Variants in PDE3B observed in about 807,000 individuals in gnomAD.
The protein encoded by PDE3B is phosphodiesterase 3B.
Under a neutral mutation model 116.8 loss-of-function variants are expected in PDE3B, and 66 were observed. The observed-to-expected ratio is 0.56, with a 90% CI of 0.46 to 0.69. The LOEUF (loss-of-function observed/expected upper bound fraction) is 0.69, where lower values mean the gene tolerates loss of function less well. Among genes scored for constraint, PDE3B ranks in the 30% least tolerant of loss-of-function variants. The pLI, the probability that PDE3B is intolerant of heterozygous loss-of-function variation, is 0.00. For synonymous variants in PDE3B, 595 were observed against 533.6 expected (o/e 1.12, Z -1.59); for missense variants, 1,384 against 1,368.1 (o/e 1.01, Z -0.18).
chr11:14,783,780 A>G (rs1327244164), intron 2 of PDE3B, among the ~76,000 whole-genome samples: 1 of 152,192 alleles, frequency 6.6e-6, no homozygotes, highest in Non-Finnish European at 1.5e-5. Context: ...AAAAGAATGA[A>G]GGGGAAAACA....
chr11:14,704,955 C>A (rs1855485171), intron 1 of PDE3B, among the ~76,000 whole-genome samples: 1 of 151,474 alleles, frequency 6.6e-6, no homozygotes, highest in Non-Finnish European at 1.5e-5. Context: ...ATTTATAATA[C>A]ATATATTTGA....
chr11:14,880,890 T>C, the PDE3B span: 836 of 907,960 alleles, frequency 9.2e-4, 3 homozygotes, highest in African/African-American at 0.011. Context: ...CCTATATAAC[T>C]ACATGGTTGG....
At chr11:14,819,324 TA>T in intron 7 of PDE3B, 115 bp downstream of exon 7, 2 of 630,914 alleles carry the variant, frequency 3.2e-6, no homozygotes, top group Non-Finnish European at 5.7e-6. Flanking sequence ...AAATGAAGAT[TA>T]TTATTTTTTA....
chr11:14,803,679 C>T (rs1405679453), intron 4 of PDE3B, among the ~76,000 whole-genome samples: 1 of 152,086 alleles, frequency 6.6e-6, no homozygotes, highest in East Asian at 1.9e-4. Flanking sequence ...AAAACCATAC[C>T]CATTTGTTCA....
At chr11:14,751,539 T>A (rs1857055654) in intron 1 of PDE3B, among the ~76,000 whole-genome samples, 1 of 152,188 alleles carries the variant, frequency 6.6e-6, no homozygotes, top group African/African-American at 2.4e-5. Flanking sequence ...TGTAATCAGT[T>A]GATATCAGCC....
In PDE3B at chr11:14,644,849, G is replaced by C; in HGVS notation, c.774G>C (p.Leu258=). ...GCCTGGTGGGGGGCGCTGGCTGCCT[G>C]CTGGCCCTGGGGTTGGATCACTTCT... ...LSGLVGGAGC[L]LALGLDHFFQ... Residue 258 remains leucine (L), a synonymous_variant, in exon 1 of 16, where the codon CTG becomes CTC. Transcript: ENST00000282096. The C allele has an allele frequency of 1.9e-6, 3 of 1,612,620 alleles. No homozygotes were observed. Among genetic ancestry groups the C allele is most frequent in the Non-Finnish European group, 2.5e-6 (3 of 1,179,230 alleles).
intron 1 of PDE3B, chr11:14,674,313 CTGATTGGCTTT>C (rs1854464723): frequency 1.0e-6 from 1 of 984,376 alleles, no homozygotes; most frequent in East Asian, 2.5e-5. Context: ...CATACTGCTC[CTGATTGGCTTT>C]TTGAAGTTCT....
At chr11:14,818,590 T>C (rs1246175830) in intron 6 of PDE3B, among the ~76,000 whole-genome samples, 197 bp downstream of exon 6, 2 of 152,184 alleles carry the variant, frequency 1.3e-5, no homozygotes, top group Non-Finnish European at 2.9e-5. Flanking sequence ...CAAAAACTTA[T>C]TGATGATATT....
At chr11:14,874,292 TACA>T (rs567016764), downstream of PDE3B, among the ~76,000 whole-genome samples, 138 of 152,270 alleles carry the variant, frequency 9.1e-4, 1 homozygote, top group African/African-American at 2.8e-3. Context: ...ATCTCTTCTG[TACA>T]ACAACAATAT....
intron 1 of PDE3B, among the ~76,000 whole-genome samples, chr11:14,649,792 G>T (rs1363721001): frequency 6.6e-6 from 1 of 152,166 alleles, no homozygotes; most frequent in African/African-American, 2.4e-5. Flanking sequence ...AGAGGGGAGG[G>T]TCAAAAGGAG....
chr11:14,664,264 G>A (rs1268561507), intron 1 of PDE3B, among the ~76,000 whole-genome samples: 1 of 151,964 alleles, frequency 6.6e-6, no homozygotes, highest in East Asian at 1.9e-4. Context: ...CACATTCAAA[G>A]CAGTGTGTAG....
Position 14,644,644 on chromosome 11 carries a change from C to G in PDE3B, c.569C>G (p.Pro190Arg), listed in dbSNP as rs1016697002. 11 of 1,504,580 alleles carry G rather than the reference C, an allele frequency of 7.3e-6. No individual in the cohort carries two copies. The highest frequency in any genetic ancestry group is 2.2e-5 in the Admixed American group (1 of 44,540). 93.2% of individuals were successfully genotyped at this position (1,504,580 alleles called of 1,614,324 possible). The change falls in exon 1 of 16, where the codon CCG becomes CGG. Residue 190 changes from proline (P) to arginine (R), a missense_variant. Physicochemically the swap from Pro to Arg is moderately radical, Grantham distance 103. Around this residue, in one of 2 missense-constraint regions of PDE3B, gnomAD observed 956 missense variants for 806.8 expected, o/e 1.18. Transcript: ENST00000282096. ...GGGTCCGCGGCCCCGCACACGCCCC[C>G]GGAGGCGGCAGCGGGCAGGTTGCTG... Reference protein sequence around the residue: ...DAGSAAPHTPPEAAAGRLLLV... With the variant: ...DAGSAAPHTPREAAAGRLLLV...
intron 12 of PDE3B, among the ~76,000 whole-genome samples, chr11:14,854,520 T>C (rs1847812849): frequency 8.9e-6 from 1 of 112,180 alleles, no homozygotes; most frequent in South Asian, 2.8e-4. Context: ...AATCTAGAAT[T>C]TTTTTTTTTT....
chr11:14,691,222 CTTAG>C (rs755159153), intron 1 of PDE3B, among the ~76,000 whole-genome samples: 1 of 152,008 alleles, frequency 6.6e-6, no homozygotes, highest in African/African-American at 2.4e-5. Context: ...ACATTTTATG[CTTAG>C]TTCATTAAGA....
chr11:14,663,245 G>A (rs978115725), intron 1 of PDE3B, among the ~76,000 whole-genome samples: 3 of 152,032 alleles, frequency 2.0e-5, no homozygotes, highest in South Asian at 2.1e-4. Flanking sequence ...ATACTTTACA[G>A]ACAAGCAAAT....
intron 1 of PDE3B, among the ~76,000 whole-genome samples, chr11:14,723,216 A>T (rs1333911218): frequency 6.6e-6 from 1 of 152,226 alleles, no homozygotes; most frequent in Admixed American, 6.5e-5. Flanking sequence ...ACTCCAATTT[A>T]GCCATTGTAC....
the PDE3B span, chr11:14,878,102 C>T: frequency 1.2e-5 from 20 of 1,612,260 alleles, no homozygotes; most frequent in Admixed American, 8.4e-5. Flanking sequence ...TTCTTGTTCC[C>T]GAAAACATCC....
rs1859436446 is a variant in PDE3B, at chr11:14,819,185, A to G, written c.1783A>G (p.Thr595Ala). Residue 595 changes from threonine to alanine, a missense_variant, in exon 7 of 16, where the codon ACA becomes GCA. Physicochemically the swap from Thr to Ala is moderately conservative, Grantham distance 58. Coordinates refer to ENST00000282096, the MANE Select transcript of PDE3B (RefSeq NM_000922.4). ...TGTTTCAACATCTGAATCAGATGGT[A>G]CAGATTGCTGCAGTGGAAAATCAGG... ...KYVSTSESDG[T>A]DCCSGKSGEE... is the part of the protein sequence containing the mutation. 1 of 1,594,146 alleles carries G rather than the reference A, an allele frequency of 6.3e-7. No homozygotes were observed. Among genetic ancestry groups the G allele is most frequent in the African/African-American group, 1.3e-5 (1 of 74,792 alleles).
intron 1 of PDE3B, among the ~76,000 whole-genome samples, chr11:14,703,941 A>G (rs1231896971): frequency 7.3e-5 from 11 of 151,710 alleles, no homozygotes; most frequent in Admixed American, 7.2e-4. Context: ...TTAGCTGGGT[A>G]TAGAATTCTG....
Sources: gnomAD v4.1 joint callset for allele counts (sites outside exome capture counted in the v4.1 genomes callset) on GRCh38, gnomAD v4.1.1 for gene constraint, gnomAD v4.1.1 regional missense constraint, MANE v1.5 for transcripts, NCBI Gene and HGNC (gene_info 2026-07-23, HGNC 2026-07-21) for gene names.